ATG10: variants seen among roughly 807,000 people sequenced by gnomAD.
ATG10 encodes the protein autophagy related 10.
A neutral mutation model predicts 32.1 loss-of-function variants in ATG10; 30 were observed. That is an observed-to-expected ratio of 0.94 (90% CI 0.70 to 1.27). The LOEUF is 1.27. Among genes scored for constraint, ATG10 ranks in the 50% most tolerant of loss-of-function variants. The probability of loss-of-function intolerance (pLI) is 0.00; values close to 1 mark genes in which losing one functional copy is unlikely to be tolerated. For missense variants in ATG10, 233 were observed against 262.3 expected (o/e 0.89, Z 0.77); for synonymous variants, 87 against 91.5 (o/e 0.95, Z 0.28).
intron 3 of ATG10, among the ~76,000 whole-genome samples, chr5:82,102,539 A>G (rs1765314749): frequency 6.6e-6 from 1 of 152,192 alleles, no homozygotes; most frequent in Admixed American, 6.5e-5. Context: ...CAAATTAGAA[A>G]AATGCCATAG....
chr5:81,995,622 T>C (rs1281992871), intron 2 of ATG10, among the ~76,000 whole-genome samples: 2 of 152,054 alleles, frequency 1.3e-5, no homozygotes, highest in Non-Finnish European at 2.9e-5. Flanking sequence ...TTCTACTCAT[T>C]AAAAAAAGGG....
chr5:82,112,665 A>T (rs1228958255), intron 3 of ATG10, among the ~76,000 whole-genome samples: 1 of 151,894 alleles, frequency 6.6e-6, no homozygotes, highest in Non-Finnish European at 1.5e-5. Context: ...AGAATAATCG[A>T]TTGTAGAATA....
At chr5:82,085,720 T>C (rs1464687378) in intron 3 of ATG10, among the ~76,000 whole-genome samples, 1 of 151,970 alleles carries the variant, frequency 6.6e-6, no homozygotes, top group Non-Finnish European at 1.5e-5. Context: ...TTTACAAAAG[T>C]GTTATTCTAT....
intron 3 of ATG10, among the ~76,000 whole-genome samples, chr5:82,070,684 C>T (rs1018059331): frequency 1.3e-5 from 2 of 152,126 alleles, no homozygotes; most frequent in African/African-American, 4.8e-5. Flanking sequence ...ACAACAGTAC[C>T]TAGGTTCCAT....
intron 5 of ATG10, among the ~76,000 whole-genome samples, chr5:82,217,432 CTTATATA>C (rs757228545): frequency 3.3e-5 from 5 of 151,990 alleles, no homozygotes; most frequent in Non-Finnish European, 5.9e-5. Flanking sequence ...TTACTATGTG[CTTATATA>C]TTATATTACC....
At chr5:82,003,206 G>A (rs1761897261) in intron 2 of ATG10, among the ~76,000 whole-genome samples, 1 of 152,160 alleles carries the variant, frequency 6.6e-6, no homozygotes, top group Admixed American at 6.5e-5. Flanking sequence ...AAAGTGATTA[G>A]TAGAAAATCA....
intron 5 of ATG10, among the ~76,000 whole-genome samples, chr5:82,199,125 T>C (rs1487301237): frequency 6.6e-6 from 1 of 152,156 alleles, no homozygotes; most frequent in African/African-American, 2.4e-5. Context: ...TAATGAAGGA[T>C]TTCTGCTGTT....
intron 2 of ATG10, among the ~76,000 whole-genome samples, chr5:82,004,496 A>C (rs1290411446): frequency 6.6e-6 from 1 of 152,224 alleles, no homozygotes; most frequent in Non-Finnish European, 1.5e-5. Context: ...ATGAATCTAA[A>C]GGACACCTGA....
At chr5:82,022,002 G>A (rs1189058392) in intron 2 of ATG10, among the ~76,000 whole-genome samples, 5 of 144,486 alleles carry the variant, frequency 3.5e-5, no homozygotes, top group Non-Finnish European at 7.5e-5. Context: ...CAGCCTGGGC[G>A]ACAGAGTGAG....
At chr5:82,180,722 C>T (rs995330615) in intron 5 of ATG10, among the ~76,000 whole-genome samples, 2 of 152,142 alleles carry the variant, frequency 1.3e-5, no homozygotes, top group Admixed American at 1.3e-4. Context: ...TTTAACTTTA[C>T]ACCCATTTAT....
intron 3 of ATG10, among the ~76,000 whole-genome samples, chr5:82,127,628 G>C (rs1766335110): frequency 6.6e-6 from 1 of 152,112 alleles, no homozygotes; most frequent in South Asian, 2.1e-4. Flanking sequence ...TTCTAATATA[G>C]ATTGCACTGT....
intron 3 of ATG10, among the ~76,000 whole-genome samples, chr5:82,076,319 T>TCA (rs1269068076): frequency 6.6e-6 from 1 of 152,212 alleles, no homozygotes; most frequent in African/African-American, 2.4e-5. Context: ...TTATGGGTAT[T>TCA]GAATGTTATT....
At chr5:82,180,852 C>T (rs777885884) in intron 5 of ATG10, among the ~76,000 whole-genome samples, 14 of 151,992 alleles carry the variant, frequency 9.2e-5, no homozygotes, top group Non-Finnish European at 2.1e-4. Flanking sequence ...TTCTAGTGGT[C>T]TGTGATATTT....
rs1242690257 is a variant in ATG10, at chr5:82,139,635, T to C, written c.217-24764T>C. On this transcript the variant is annotated intron_variant, in intron 3 of 7. Transcript: ENST00000282185. Reference sequence around the variant, plus strand: ...CACCCCATCTGGGAAGTGAGGAGCGTCTCCGCCCAGCAGCCACCCCATCTG... The same window carrying C: ...CACCCCATCTGGGAAGTGAGGAGCGCCTCCGCCCAGCAGCCACCCCATCTG... Among the ~76,000 whole-genome samples, 3 of 109,752 alleles carry C rather than the reference T, an allele frequency of 2.7e-5. No homozygotes were observed. In the East Asian group the frequency reaches 8.5e-4, roughly 31 times the overall value. The allele number at this position is 109,752 out of a possible 152,430, so 72.0% of individuals were successfully genotyped here.
At chr5:82,142,388 A>C (rs192431213) in intron 3 of ATG10, among the ~76,000 whole-genome samples, 2 of 152,314 alleles carry the variant, frequency 1.3e-5, no homozygotes, top group East Asian at 3.9e-4. Context: ...AAGAAGGATG[A>C]GTAGGCATTT....
intron 2 of ATG10, among the ~76,000 whole-genome samples, chr5:82,005,882 T>C (rs923190482): frequency 6.6e-6 from 1 of 152,170 alleles, no homozygotes; most frequent in Non-Finnish European, 1.5e-5. Context: ...GTGTTAGTCT[T>C]TCAGAAGAAT....
Position 82,144,169 on chromosome 5 carries a change from A to G in ATG10, c.217-20230A>G, listed in dbSNP as rs959355542. ...TTTAGTGTTTATAGCATTTTTAATG[A>G]TAATCCTTTTTTCATTTCTGGTTTT... is the stretch of plus-strand genomic sequence containing the variant. On this transcript the variant is annotated intron_variant, in intron 3 of 7. Coordinates refer to ENST00000282185, the MANE Select transcript of ATG10 (RefSeq NM_031482.5). Among the ~76,000 whole-genome samples the G allele has an allele frequency of 6.6e-5, 10 of 152,044 alleles. No individual in the cohort carries two copies. The East Asian group carries it at 9.7e-4, about 15-fold the overall frequency.
At chr5:82,135,233 G>C (rs1766675896) in intron 3 of ATG10, among the ~76,000 whole-genome samples, 1 of 152,056 alleles carries the variant, frequency 6.6e-6, no homozygotes, top group African/African-American at 2.4e-5. Context: ...CTTCAGTTCT[G>C]CTCTGATCTT....
rs560687286 is a variant in ATG10 at position 82,172,445 on chromosome 5, G to A, written c.356-6045G>A. Among the ~76,000 whole-genome samples, 10 of 152,068 alleles carry A rather than the reference G, an allele frequency of 6.6e-5. No homozygotes were observed. The South Asian group carries it at 8.3e-4, about 13-fold the overall frequency. Reference sequence around the variant, plus strand: ...GCAATAATACTGATTTCAGAGTTTCGAGGATCCTGAGCTTATATTGGAAAT... The same window carrying A: ...GCAATAATACTGATTTCAGAGTTTCAAGGATCCTGAGCTTATATTGGAAAT... On this transcript the variant is annotated intron_variant, in intron 4 of 7. Transcript: ENST00000282185.
Sources: allele counts gnomAD v4.1 joint callset (sites outside exome capture counted in the v4.1 genomes callset), GRCh38; gene constraint gnomAD v4.1.1; transcripts MANE v1.5; gene names NCBI Gene and HGNC (gene_info 2026-07-23, HGNC 2026-07-21).